PCGF5: variants seen among roughly 807,000 people sequenced by gnomAD.
PCGF5 encodes the protein polycomb group ring finger 5, also known as polycomb group RING finger protein 5.
Under a neutral mutation model 44.3 loss-of-function variants are expected in PCGF5, and 9 were observed. The observed-to-expected ratio is 0.20, with a 90% CI of 0.12 to 0.35. PCGF5 has a LOEUF of 0.35. Among genes scored for constraint, PCGF5 ranks in the 10% least tolerant of loss-of-function variants. PCGF5 has a pLI of 1.00. For synonymous variants in PCGF5, 95 were observed against 102.5 expected, an observed-to-expected ratio of 0.93 and a Z score of 0.44; for missense variants, 146 against 305.3, an observed-to-expected ratio of 0.48 and a Z score of 3.89.
intron 1 of PCGF5, among the ~76,000 whole-genome samples, chr10:91,180,583 A>C (rs1843800364): frequency 6.6e-6 from 1 of 152,094 alleles, no homozygotes; most frequent in Non-Finnish European, 1.5e-5. Flanking sequence ...AGCACCATTT[A>C]TTTATGCTAT....
intron 8 of PCGF5, among the ~76,000 whole-genome samples, chr10:91,269,786 C>A (rs1846135462): frequency 6.6e-6 from 1 of 152,162 alleles, no homozygotes; most frequent in Non-Finnish European, 1.5e-5. Context: ...TTTTATATTT[C>A]TTCTGTGAAC....
At chr10:91,240,189 A>C (rs79873997) in intron 2 of PCGF5, among the ~76,000 whole-genome samples, 6,021 of 152,314 alleles carry the variant, frequency 0.04, 384 homozygotes, top group African/African-American at 0.14. Flanking sequence ...TATTTTATGT[A>C]AATACACCAG....
chr10:91,162,471 G>C (rs1169749036), upstream of PCGF5, among the ~76,000 whole-genome samples: 2 of 152,100 alleles, frequency 1.3e-5, no homozygotes, highest in Non-Finnish European at 2.9e-5. Flanking sequence ...TCTATTCAAG[G>C]GCACGCTTCC....
the PCGF5 span, among the ~76,000 whole-genome samples, chr10:91,156,960 T>C: frequency 6.6e-6 from 1 of 152,356 alleles, no homozygotes; most frequent in African/African-American, 2.4e-5. Flanking sequence ...TACAGGTTTG[T>C]CCAAGTAAGA....
chr10:91,252,306 G>C (rs1386754369), intron 6 of PCGF5, among the ~76,000 whole-genome samples: 1 of 151,944 alleles, frequency 6.6e-6, no homozygotes, highest in Admixed American at 6.6e-5. Flanking sequence ...CTATAGGCTA[G>C]TGGGTTGAAT....
chr10:91,157,036 T>A, the PCGF5 span, among the ~76,000 whole-genome samples: 29 of 152,244 alleles, frequency 1.9e-4, no homozygotes, highest in Non-Finnish European at 3.5e-4. Context: ...GTTTTTAAAC[T>A]TCTCTGGGCC....
intron 1 of PCGF5, among the ~76,000 whole-genome samples, chr10:91,187,051 A>G (rs76731129): frequency 3.9e-5 from 6 of 152,172 alleles, no homozygotes; most frequent in Admixed American, 6.5e-5. Context: ...GAGATTCTGC[A>G]TTTCTGAGTT....
intron 7 of PCGF5, 51 bp from the exon 8 acceptor site, chr10:91,264,380 A>G: frequency 1.4e-6 from 2 of 1,407,658 alleles, no homozygotes; most frequent in East Asian, 2.3e-5. Context: ...TATGCAAAAT[A>G]CTTTTGAATT....
intron 5 of PCGF5, among the ~76,000 whole-genome samples, chr10:91,250,094 C>T (rs557006254): frequency 6.6e-6 from 1 of 151,948 alleles, no homozygotes; most frequent in Non-Finnish European, 1.5e-5. Flanking sequence ...ATTGTTTCTC[C>T]CATTTTAAAG....
At chr10:91,175,134 AG>A (rs1157997072) in intron 1 of PCGF5, among the ~76,000 whole-genome samples, 1 of 152,196 alleles carries the variant, frequency 6.6e-6, no homozygotes, top group African/African-American at 2.4e-5. Context: ...AAAATCTGTA[AG>A]GGAACTAGAT....
chr10:91,161,821 C>G (rs148070647), upstream of PCGF5, among the ~76,000 whole-genome samples: 1 of 152,178 alleles, frequency 6.6e-6, no homozygotes, highest in Non-Finnish European at 1.5e-5. Context: ...TGCAGACACT[C>G]GGAGGCAATA....
chr10:91,227,857 A>G, intron 2 of PCGF5: 1 of 980,884 alleles, frequency 1.0e-6, no homozygotes, highest in Non-Finnish European at 1.2e-6. Context: ...GCAGTTACCC[A>G]TCCTTTAAAA....
At chr10:91,160,875 G>A (rs1260241953), upstream of PCGF5, among the ~76,000 whole-genome samples, 2 of 152,180 alleles carry the variant, frequency 1.3e-5, no homozygotes, top group Non-Finnish European at 2.9e-5. Flanking sequence ...AGGCAACCAG[G>A]TGCAGCACCC....
At chr10:91,254,233 G>A (rs1333286591) in intron 6 of PCGF5, among the ~76,000 whole-genome samples, 1 of 130,772 alleles carries the variant, frequency 7.6e-6, no homozygotes, top group Non-Finnish European at 1.6e-5. Flanking sequence ...TGTGTGTGTT[G>A]GAAACCATAT....
Position 91,258,253 on chromosome 10 carries a change from ATAAT to A in PCGF5, c.475-3068_475-3065del, listed in dbSNP as rs552443650. Among the ~76,000 whole-genome samples the A allele has an allele frequency of 2.9e-3, 448 of 152,272 alleles. 3 individuals are homozygous for A. Among genetic ancestry groups the A allele is most frequent in the Admixed American group, 4.7e-3 (72 of 15,272 alleles). Reference sequence around the variant, plus strand: ...CAACTTTGCGAATAGTATAAAAACTATAATTAATCTGTGAAAGATTGTAAGTAGT... The same window carrying A: ...CAACTTTGCGAATAGTATAAAAACTATAATCTGTGAAAGATTGTAAGTAGT... On this transcript the variant is annotated intron_variant, in intron 6 of 9. Transcript: ENST00000336126.
chr10:91,221,341 C>G (rs1844673508), intron 1 of PCGF5, among the ~76,000 whole-genome samples: 1 of 152,166 alleles, frequency 6.6e-6, no homozygotes, highest in Non-Finnish European at 1.5e-5. Context: ...AGTTTCATGG[C>G]AAACCTGTGG....
chr10:91,186,521 C>CAT (rs945345553), intron 1 of PCGF5, among the ~76,000 whole-genome samples: 6 of 145,092 alleles, frequency 4.1e-5, no homozygotes, highest in African/African-American at 1.6e-4. Context: ...GGAAAAACTT[C>CAT]ATATATATAT....
chr10:91,264,459 T>C lies in PCGF5; in HGVS notation c.602T>C (p.Met201Thr). 1 of 1,611,418 alleles carries C rather than the reference T, an allele frequency of 6.2e-7. No homozygotes were observed. The highest frequency in any genetic ancestry group is 8.5e-7 in the Non-Finnish European group (1 of 1,178,990). Residue 201 changes from methionine to threonine, a missense_variant, in exon 8 of 10, where the codon ATG becomes ACG. Physicochemically the swap from Met to Thr is moderately conservative, Grantham distance 81. Around this residue, in one of 3 missense-constraint regions of PCGF5, gnomAD observed 123 missense variants for 268.6 expected, o/e 0.46. Coordinates refer to ENST00000336126, the MANE Select transcript of PCGF5 (RefSeq NM_032373.5). ...ELDVLCNGEI[M>T]GKDHTMEFIY... ...GATGTGCTGTGCAATGGTGAAATTA[T>C]GGGGAAGGATCATACTATGGAATTC...
intron 2 of PCGF5, among the ~76,000 whole-genome samples, chr10:91,235,411 G>T (rs574764329): frequency 1.3e-3 from 196 of 152,288 alleles, no homozygotes; most frequent in Admixed American, 3.2e-3. Flanking sequence ...AATGATGTTT[G>T]TGATGAGGTA....
Sources: gnomAD v4.1 joint callset for allele counts (sites outside exome capture counted in the v4.1 genomes callset) on GRCh38, gnomAD v4.1.1 for gene constraint, gnomAD v4.1.1 regional missense constraint, MANE v1.5 for transcripts, NCBI Gene and HGNC (gene_info 2026-07-23, HGNC 2026-07-21) for gene names.